ZGRF1: variants seen among roughly 807,000 people sequenced by gnomAD.
ZGRF1 encodes the protein 5'-3' DNA helicase ZGRF1.
Under a neutral mutation model 203.5 loss-of-function variants are expected in ZGRF1, and 196 were observed. The observed-to-expected ratio is 0.96, with a 90% CI of 0.86 to 1.08. ZGRF1 has a LOEUF of 1.08. Among genes scored for constraint, ZGRF1 ranks in the 50% least tolerant of loss-of-function variants. The pLI is 0.00. For missense variants in ZGRF1, 2,326 were observed against 2,416.3 expected, an observed-to-expected ratio of 0.96 and a Z score of 0.78; for synonymous variants, 809 against 841.3, an observed-to-expected ratio of 0.96 and a Z score of 0.66.
chr4:112,632,057 T>C (rs74892795), intron 2 of ZGRF1, 47 bp from the exon 3 acceptor site: 32,889 of 919,622 alleles, frequency 0.036, 714 homozygotes, highest in Non-Finnish European at 0.042. Context: ...TATATATATT[T>C]AATGTTATGT....
chr4:112,585,530 A>G lies in ZGRF1; in HGVS notation c.4101+11T>C, dbSNP rs370433843. 1.2e-5 allele frequency: 19 copies of G among 1,602,304 alleles called. No individual in the cohort carries two copies. In the African/African-American group the frequency reaches 2.2e-4, roughly 18 times the overall value. On this transcript the variant is annotated intron_variant, in intron 14 of 27. Transcript: ENST00000505019. Reference sequence around the variant, plus strand: ...TATTTGGTATGGTAGGGGGAGGGGAAGCAAGAATACCTTATTTGGACCTTC... The same window carrying G: ...TATTTGGTATGGTAGGGGGAGGGGAGGCAAGAATACCTTATTTGGACCTTC...
intron 7 of ZGRF1, chr4:112,610,992 T>C: frequency 3.9e-6 from 1 of 255,426 alleles, no homozygotes; most frequent in Non-Finnish European, 7.7e-6. Context: ...AGAGGCAGGG[T>C]AGGTTTTATT....
chr4:112,618,467 T>C lies in ZGRF1; in HGVS notation c.1575A>G (p.Gln525=). 5 of 1,613,696 alleles carry C rather than the reference T, an allele frequency of 3.1e-6. No homozygotes were observed. The highest frequency in any genetic ancestry group is 4.2e-6 in the Non-Finnish European group (5 of 1,179,870). ...GATTAAAAGTTACCTCCAAAAATGG[T>C]TGTGTTACATTACTCAGAGATTCAT... ...SIHESLSNVT[Q]PFLEVTFNLN... is the part of the protein sequence containing the mutation. Residue 525 remains glutamine (Q), a synonymous_variant, in exon 6 of 28, where the codon CAA becomes CAG. Coordinates refer to ENST00000505019, the MANE Select transcript of ZGRF1 (RefSeq NM_018392.5).
At chr4:112,600,562 G>A (rs190205306) in intron 10 of ZGRF1, among the ~76,000 whole-genome samples, 1 of 151,936 alleles carries the variant, frequency 6.6e-6, no homozygotes, top group Non-Finnish European at 1.5e-5. Flanking sequence ...GTGGTGGTGG[G>A]CACCTGTAAT....
At chr4:112,584,630 C>T (rs556204285) in intron 14 of ZGRF1, among the ~76,000 whole-genome samples, 31 of 152,236 alleles carry the variant, frequency 2.0e-4, no homozygotes, top group African/African-American at 7.2e-4. Flanking sequence ...CAACATAGTA[C>T]GAGCATGCAA....
chr4:112,618,330 C>T lies in ZGRF1; in HGVS notation c.1712G>A (p.Cys571Tyr), dbSNP rs752428438. 5 of 1,613,858 alleles carry T rather than the reference C, an allele frequency of 3.1e-6. No individual in the cohort carries two copies. Among genetic ancestry groups the T allele is most frequent in the Non-Finnish European group, 3.4e-6 (4 of 1,179,906 alleles). Residue 571 changes from cysteine to tyrosine, a missense_variant, in exon 6 of 28, where the codon TGT becomes TAT. Transcript: ENST00000505019. ...KDILVNDGNS[C>Y]FQKRSENTNC... Reference sequence around the variant, plus strand: ...TGTATTCTCAGACCTCTTTTGAAAACATGAATTGCCATCATTAACCAAAAT... The same window carrying T: ...TGTATTCTCAGACCTCTTTTGAAAATATGAATTGCCATCATTAACCAAAAT...
At chr4:112,595,183 G>GC (rs1193632968) in intron 10 of ZGRF1, among the ~76,000 whole-genome samples, 1 of 152,050 alleles carries the variant, frequency 6.6e-6, no homozygotes, top group Non-Finnish European at 1.5e-5. Context: ...TATAGCACAG[G>GC]CAACAGTTGT....
chr4:112,629,556 G>A (rs952567068), intron 3 of ZGRF1, among the ~76,000 whole-genome samples: 2 of 151,876 alleles, frequency 1.3e-5, no homozygotes, highest in Non-Finnish European at 2.9e-5. Context: ...TGTGGTTCCA[G>A]CTACTTGGGA....
intron 24 of ZGRF1, among the ~76,000 whole-genome samples, chr4:112,542,851 T>C (rs919555859): frequency 6.6e-6 from 1 of 151,732 alleles, no homozygotes; most frequent in Non-Finnish European, 1.5e-5. Flanking sequence ...AGAGTCAGGA[T>C]CCTGCTCTGT....
At position 112,539,867 on chromosome 4, in the gene ZGRF1, G is replaced by A. The variant is rs759834633; in HGVS notation, c.6168C>T (p.Cys2056=). 1.5e-5 allele frequency: 24 copies of A among 1,613,252 alleles called. No individual in the cohort carries two copies. The East Asian group carries it at 2.5e-4, about 16-fold the overall frequency. The change falls in exon 27 of 28, where the codon TGC becomes TGT. Residue 2056 remains cysteine, a synonymous_variant. Coordinates refer to ENST00000505019, the MANE Select transcript of ZGRF1 (RefSeq NM_018392.5). ...TTAAACCCATTTTTATTTTACCTTCGCAGTGTTGGATCACTCGTCCCCAAA... is the reference window on the plus strand; with the variant it reads ...TTAAACCCATTTTTATTTTACCTTCACAGTGTTGGATCACTCGTCCCCAAA... ...NQLWGRVIQH[C]EGREDGLQHA...
chr4:112,631,596 CG>C (rs1339973311), intron 3 of ZGRF1, among the ~76,000 whole-genome samples: 2 of 151,918 alleles, frequency 1.3e-5, no homozygotes, highest in African/African-American at 4.8e-5. Flanking sequence ...CGTTTGAACC[CG>C]GGAGGCAGAG....
rs1181847261 is a variant in ZGRF1 at position 112,590,868 on chromosome 4, T to G, written c.2977-994A>C. 6.3e-5 allele frequency among the ~76,000 whole-genome samples: 9 copies of G among 143,746 alleles called. No individual in the cohort carries two copies. The Admixed American group carries it at 6.7e-4, about 11-fold the overall frequency. 94.3% of individuals were successfully genotyped at this position (143,746 alleles called of 152,430 possible). On this transcript the variant is annotated intron_variant, in intron 10 of 27. Coordinates refer to ENST00000505019, the MANE Select transcript of ZGRF1 (RefSeq NM_018392.5). Reference sequence around the variant, plus strand: ...TTGAACCTGGGAGGCGAGGTTGCAGTGAGCCGAGATCACGCCATTACACTC... The same window carrying G: ...TTGAACCTGGGAGGCGAGGTTGCAGGGAGCCGAGATCACGCCATTACACTC...
At chr4:112,634,662 T>C (rs1470541971) in intron 1 of ZGRF1, among the ~76,000 whole-genome samples, 2 of 145,878 alleles carry the variant, frequency 1.4e-5, no homozygotes, top group African/African-American at 2.6e-5. Flanking sequence ...AAAAAAAAAA[T>C]AAAAGGGCGA....
Position 112,587,195 on chromosome 4 carries a change from T to C in ZGRF1, c.3777+85A>G, listed in dbSNP as rs755610323. On this transcript the variant is annotated intron_variant, in intron 12 of 27. Coordinates refer to ENST00000505019, the MANE Select transcript of ZGRF1 (RefSeq NM_018392.5). ...AAGCCATCTGTCCAAATTGCTCCTA[T>C]GCAGTATATTTTGGTAATTCTTTTG... 32 of 1,295,866 alleles carry C rather than the reference T, an allele frequency of 2.5e-5. No individual in the cohort carries two copies. The Admixed American group carries it at 2.9e-4, about 12-fold the overall frequency. The allele number at this position is 1,295,866 out of a possible 1,614,324, so 80.3% of individuals were successfully genotyped here.
Position 112,539,927 on chromosome 4 carries a change from A to C in ZGRF1, c.6108T>G (p.Ile2036Met). The C allele has an allele frequency of 6.2e-7, 1 of 1,613,906 alleles. No homozygotes were observed. ...ALTRGKRHLLIVGNLACLRKN... is the reference protein window; with the variant it reads ...ALTRGKRHLLMVGNLACLRKN... ...TCCTCAAACAGGCTAAATTTCCCAC[A>C]ATCAACAAATGCCTCTTTCCTCTAG... The change falls in exon 27 of 28, where the codon ATT (isoleucine) becomes ATG (methionine). Residue 2036 changes from isoleucine to methionine, a missense_variant. Coordinates refer to ENST00000505019, the MANE Select transcript of ZGRF1 (RefSeq NM_018392.5).
intron 14 of ZGRF1, among the ~76,000 whole-genome samples, chr4:112,585,031 C>T (rs1479482347): frequency 6.6e-6 from 1 of 152,184 alleles, no homozygotes; most frequent in East Asian, 1.9e-4. Flanking sequence ...TCTAAGCTCT[C>T]AGGTTGGAAC....
intron 10 of ZGRF1, among the ~76,000 whole-genome samples, chr4:112,598,813 G>A (rs1405975601): frequency 7.9e-5 from 12 of 152,018 alleles, no homozygotes; most frequent in Non-Finnish European, 4.4e-5. Flanking sequence ...CACTTTGGGG[G>A]GTCAAGGCAG....
At chr4:112,597,002 T>A (rs1578398739) in intron 10 of ZGRF1, among the ~76,000 whole-genome samples, 1 of 150,386 alleles carries the variant, frequency 6.6e-6, no homozygotes, top group East Asian at 2.0e-4. Context: ...TCACTTAAGG[T>A]CAGAAGTTTG....
chr4:112,628,286 G>C (rs1008285747), intron 3 of ZGRF1, among the ~76,000 whole-genome samples: 1 of 152,280 alleles, frequency 6.6e-6, no homozygotes, highest in East Asian at 1.9e-4. Context: ...ACAACTTTAT[G>C]AAGCATCATT....
Sources: gnomAD v4.1 joint callset for allele counts (sites outside exome capture counted in the v4.1 genomes callset) on GRCh38, gnomAD v4.1.1 for gene constraint, MANE v1.5 for transcripts, NCBI Gene and HGNC (gene_info 2026-07-23, HGNC 2026-07-21) for gene names.